Variants in MAML3 observed in about 807,000 individuals in gnomAD.
The protein encoded by MAML3 is mastermind-like protein 3.
In MAML3, 27 loss-of-function variants were observed where a neutral mutation model predicts 101.9. The observed-to-expected ratio is 0.27, with a 90% CI of 0.20 to 0.37. The LOEUF is 0.37. Among genes scored for constraint, MAML3 ranks in the 10% least tolerant of loss-of-function variants. MAML3 has a pLI of 1.00. For synonymous variants in MAML3, 501 were observed against 555.9 expected, an observed-to-expected ratio of 0.90 and a Z score of 1.39; for missense variants, 1,316 against 1,444.9, an observed-to-expected ratio of 0.91 and a Z score of 1.45.
At chr4:139,801,002 G>T (rs551995324) in intron 2 of MAML3, among the ~76,000 whole-genome samples, 1 of 152,348 alleles carries the variant, frequency 6.6e-6, no homozygotes, top group East Asian at 1.9e-4. Flanking sequence ...CAGGGATCTG[G>T]CCTGGTGCAT....
At chr4:139,889,093 G>T in intron 2 of MAML3, 1 of 648,202 alleles carries the variant, frequency 1.5e-6, no homozygotes, top group Non-Finnish European at 2.8e-6. Context: ...AGAATTTTAT[G>T]TAATTCTTAT....
At chr4:139,974,776 G>A (rs1273064762) in intron 1 of MAML3, among the ~76,000 whole-genome samples, 1 of 152,066 alleles carries the variant, frequency 6.6e-6, no homozygotes, top group African/African-American at 2.4e-5. Flanking sequence ...TAATCAATAC[G>A]ATAGGAGGTC....
At position 139,808,170 on chromosome 4, in the gene MAML3, T is replaced by C. The variant is rs540921870; in HGVS notation, c.2080-77503A>G. 2.0e-5 allele frequency among the ~76,000 whole-genome samples: 3 copies of C among 152,382 alleles called. No homozygotes were observed. The East Asian group carries it at 5.8e-4, about 29-fold the overall frequency. On this transcript the variant is annotated intron_variant, in intron 2 of 4. Transcript: ENST00000509479. ...ATTTTTCTGACTTTTCCAGCTATTT[T>C]CATAACATAACAGTGAGCTCAACTT...
intron 1 of MAML3, among the ~76,000 whole-genome samples, chr4:139,963,230 G>A (rs1172553501): frequency 1.3e-5 from 2 of 152,148 alleles, no homozygotes; most frequent in African/African-American, 4.8e-5. Flanking sequence ...ACTAGCTTGG[G>A]CAACATAGCG....
At chr4:139,882,344 G>C (rs2111188745) in intron 2 of MAML3, among the ~76,000 whole-genome samples, 1 of 151,138 alleles carries the variant, frequency 6.6e-6, no homozygotes, top group Middle Eastern at 3.4e-3. Context: ...AAAGTGCATA[G>C]TACTAGATAC....
chr4:140,065,433 C>G (rs1727519521), intron 1 of MAML3, among the ~76,000 whole-genome samples: 2 of 152,166 alleles, frequency 1.3e-5, no homozygotes, highest in South Asian at 4.1e-4. Context: ...AAACACAGCC[C>G]ATTCTTTCTG....
intron 1 of MAML3, among the ~76,000 whole-genome samples, chr4:140,104,645 A>T (rs1165093440): frequency 6.7e-6 from 1 of 149,682 alleles, no homozygotes; most frequent in Non-Finnish European, 1.5e-5. Context: ...GGCACGCAAC[A>T]TCATGCCCAG....
At chr4:140,104,386 T>TTATATATTATATAATA (rs1553976056) in intron 1 of MAML3, among the ~76,000 whole-genome samples, 8 of 58,634 alleles carry the variant, frequency 1.4e-4, no homozygotes, top group African/African-American at 3.3e-4. Flanking sequence ...AATATATATA[T>TTATATATTATATAATA]ATTATATATT....
chr4:140,119,620 T>TCCCTTCCTTCCC (rs1728572714), intron 1 of MAML3, among the ~76,000 whole-genome samples: 2 of 102,456 alleles, frequency 2.0e-5, no homozygotes, highest in African/African-American at 3.6e-5. Flanking sequence ...CCTTCCTTCC[T>TCCCTTCCTTCCC]CCCTTCCTTT....
At chr4:139,819,512 G>A (rs531170224) in intron 2 of MAML3, among the ~76,000 whole-genome samples, 2 of 152,174 alleles carry the variant, frequency 1.3e-5, no homozygotes, top group Non-Finnish European at 2.9e-5. Context: ...AAGAAGACAG[G>A]TGTGATGTCT....
intron 2 of MAML3, among the ~76,000 whole-genome samples, chr4:139,817,272 A>G (rs1478476451): frequency 6.6e-6 from 1 of 152,210 alleles, no homozygotes; most frequent in African/African-American, 2.4e-5. Context: ...AAACATCAAA[A>G]AACTCACTTC....
chr4:139,822,214 C>G (rs1463978105), intron 2 of MAML3, among the ~76,000 whole-genome samples: 1 of 149,800 alleles, frequency 6.7e-6, no homozygotes, highest in Non-Finnish European at 1.5e-5. Flanking sequence ...TCATCATTAT[C>G]ATTATCACCA....
At chr4:140,018,329 A>G (rs1251175998) in intron 1 of MAML3, among the ~76,000 whole-genome samples, 1 of 152,254 alleles carries the variant, frequency 6.6e-6, no homozygotes, top group Non-Finnish European at 1.5e-5. Context: ...AGAAACAAAT[A>G]CACATGTATC....
At chr4:139,835,321 A>G in intron 2 of MAML3, among the ~76,000 whole-genome samples, 1 of 152,224 alleles carries the variant, frequency 6.6e-6, no homozygotes, top group African/African-American at 2.4e-5. Flanking sequence ...GCCTGATATT[A>G]TGCTACAAAT....
chr4:140,135,645 C>T (rs1487564165), intron 1 of MAML3, among the ~76,000 whole-genome samples: 1 of 152,212 alleles, frequency 6.6e-6, no homozygotes, highest in Non-Finnish European at 1.5e-5. Context: ...CTAGACGTCT[C>T]TGAAGAGCCA....
intron 1 of MAML3, among the ~76,000 whole-genome samples, chr4:140,023,236 T>C (rs1726759678): frequency 6.6e-6 from 1 of 152,184 alleles, no homozygotes; most frequent in Non-Finnish European, 1.5e-5. Context: ...TTAGAGAAGT[T>C]GCCCAGCTTC....
rs1247385438 is a variant in MAML3, at chr4:140,099,816, G to A, written c.468+53044C>T. ...CTATCACTCAGTTTCATCTCTCCTG[G>A]ACTACTGCTCTCCGACAGGGTTTTC... On this transcript the variant is annotated intron_variant, in intron 1 of 4. Transcript: ENST00000509479. Among the ~76,000 whole-genome samples the A allele has an allele frequency of 2.0e-5, 3 of 151,960 alleles. No individual in the cohort carries two copies. The East Asian group carries it at 5.8e-4, about 29-fold the overall frequency.
intron 1 of MAML3, among the ~76,000 whole-genome samples, chr4:140,074,112 G>T (rs926486589): frequency 4.6e-5 from 7 of 151,134 alleles, no homozygotes; most frequent in Non-Finnish European, 8.8e-5. Flanking sequence ...AGCCTGGCGA[G>T]AGAGTGAGAC....
intron 1 of MAML3, among the ~76,000 whole-genome samples, chr4:139,914,129 A>C (rs1732982903): frequency 6.6e-6 from 1 of 152,234 alleles, no homozygotes; most frequent in Non-Finnish European, 1.5e-5. Context: ...ATACAGTAAA[A>C]GTATCACAGT....
Sources: allele counts gnomAD v4.1 joint callset (sites outside exome capture counted in the v4.1 genomes callset), GRCh38; gene constraint gnomAD v4.1.1; transcripts MANE v1.5; gene names NCBI Gene and HGNC (gene_info 2026-07-23, HGNC 2026-07-21).